CFDP1: variants seen among roughly 807,000 people sequenced by gnomAD.
CFDP1 encodes the protein chromatin remodeling protein CFDP1.
Under a neutral mutation model 40.1 loss-of-function variants are expected in CFDP1, and 31 were observed. That is an observed-to-expected ratio of 0.77 (90% CI 0.58 to 1.04). CFDP1 has a LOEUF of 1.04. Ranked by LOEUF, CFDP1 falls within the 50% of genes least tolerant of loss-of-function variation. The pLI is 0.00. For synonymous variants in CFDP1, 167 were observed against 120.0 expected, an observed-to-expected ratio of 1.39 and a Z score of -2.56; for missense variants, 423 against 343.4, an observed-to-expected ratio of 1.23 and a Z score of -1.83.
intron 4 of CFDP1, among the ~76,000 whole-genome samples, chr16:75,411,338 G>C (rs1209640117): frequency 6.6e-6 from 1 of 152,162 alleles, no homozygotes; most frequent in Non-Finnish European, 1.5e-5. Context: ...TGGGACCCGG[G>C]AGGCAGAGGT....
chr16:75,431,628 G>C (rs914747793), intron 1 of CFDP1, among the ~76,000 whole-genome samples: 5 of 152,040 alleles, frequency 3.3e-5, no homozygotes, highest in African/African-American at 1.2e-4. Context: ...CACAGAGCGA[G>C]ACACTGTCTC....
intron 5 of CFDP1, among the ~76,000 whole-genome samples, chr16:75,333,836 C>T (rs994208307): frequency 2.0e-5 from 3 of 152,192 alleles, no homozygotes; most frequent in African/African-American, 7.2e-5. Flanking sequence ...TAAAGCCTTT[C>T]ATACCACATT....
intron 5 of CFDP1, among the ~76,000 whole-genome samples, chr16:75,328,144 A>ATT (rs1262815642): frequency 1.3e-4 from 17 of 127,644 alleles, no homozygotes; most frequent in African/African-American, 3.2e-4. Flanking sequence ...TTGGTACTTG[A>ATT]TTTTTTTTTT....
chr16:75,393,215 T>C (rs532094507), intron 5 of CFDP1, among the ~76,000 whole-genome samples: 2 of 152,276 alleles, frequency 1.3e-5, no homozygotes, highest in South Asian at 4.1e-4. Flanking sequence ...CCAGCAGGAA[T>C]GAGTGCCAGT....
intron 1 of CFDP1, among the ~76,000 whole-genome samples, chr16:75,427,598 C>T (rs968355620): frequency 5.9e-5 from 9 of 152,114 alleles, no homozygotes; most frequent in Admixed American, 5.2e-4. Context: ...AAAAATCTGA[C>T]CACCCCAAGT....
intron 5 of CFDP1, among the ~76,000 whole-genome samples, chr16:75,387,030 A>C (rs558472389): frequency 1.4e-4 from 21 of 152,370 alleles, no homozygotes; most frequent in African/African-American, 4.8e-4. Context: ...ATACCTATAA[A>C]GGCTTATTTT....
At chr16:75,387,091 C>T (rs1177526617) in intron 5 of CFDP1, among the ~76,000 whole-genome samples, 1 of 151,558 alleles carries the variant, frequency 6.6e-6, no homozygotes, top group Non-Finnish European at 1.5e-5. Flanking sequence ...TATTAGCATC[C>T]ACTGAAGAAC....
At chr16:75,344,607 C>A (rs1012517169) in intron 5 of CFDP1, among the ~76,000 whole-genome samples, 6 of 152,078 alleles carry the variant, frequency 3.9e-5, no homozygotes, top group South Asian at 2.1e-4. Flanking sequence ...GACTAATAAC[C>A]CTTACAAAGA....
At chr16:75,413,012 T>A (rs2079176274) in intron 2 of CFDP1, among the ~76,000 whole-genome samples, 1 of 151,854 alleles carries the variant, frequency 6.6e-6, no homozygotes, top group Admixed American at 6.6e-5. Flanking sequence ...GTTCTCCTTC[T>A]AAATCAGGAC....
intron 5 of CFDP1, among the ~76,000 whole-genome samples, chr16:75,388,829 T>TAC (rs1444667609): frequency 1.3e-5 from 2 of 152,178 alleles, no homozygotes; most frequent in Non-Finnish European, 2.9e-5. Flanking sequence ...TTCAGGATGG[T>TAC]ACTGTGAGGG....
chr16:75,406,733 T>C, intron 4 of CFDP1: 1 of 143,420 alleles, frequency 7.0e-6, no homozygotes, highest in African/African-American at 2.6e-5. Context: ...TAAATAAAAA[T>C]AAACAAATAG....
intron 5 of CFDP1, among the ~76,000 whole-genome samples, chr16:75,340,351 A>C (rs1470525554): frequency 1.3e-5 from 2 of 152,216 alleles, no homozygotes; most frequent in Non-Finnish European, 1.5e-5. Flanking sequence ...TTTAAAGGAG[A>C]CTGTTATTTC....
chr16:75,310,379 A>T (rs2078287602), intron 5 of CFDP1, among the ~76,000 whole-genome samples: 1 of 152,186 alleles, frequency 6.6e-6, no homozygotes, highest in African/African-American at 2.4e-5. Context: ...ACCTATCATA[A>T]CACCAGACAC....
chr16:75,347,343 C>CAAAAAA (rs762900031), intron 5 of CFDP1, among the ~76,000 whole-genome samples: 212 of 91,268 alleles, frequency 2.3e-3, no homozygotes, highest in East Asian at 3.3e-3. Context: ...GACTCCATCT[C>CAAAAAA]AAAAAAAAAA....
chr16:75,428,521 G>A (rs2079368366), intron 1 of CFDP1, among the ~76,000 whole-genome samples: 1 of 152,196 alleles, frequency 6.6e-6, no homozygotes, highest in African/African-American at 2.4e-5. Flanking sequence ...AGAGGCTGAG[G>A]CAGGGGAATC....
intron 5 of CFDP1, among the ~76,000 whole-genome samples, chr16:75,312,991 C>G (rs1423714302): frequency 6.6e-6 from 1 of 152,190 alleles, no homozygotes; most frequent in Non-Finnish European, 1.5e-5. Context: ...AGCTAACTGA[C>G]CTGCTGGGCA....
chr16:75,340,348 G>A (rs974911356), intron 5 of CFDP1, among the ~76,000 whole-genome samples: 5 of 152,122 alleles, frequency 3.3e-5, no homozygotes, highest in African/African-American at 1.2e-4. Context: ...CAATTTAAAG[G>A]AGACTGTTAT....
rs141568094 is a variant in CFDP1 at position 75,364,488 on chromosome 16, C to G, written c.650+30602G>C. 6.7e-3 allele frequency among the ~76,000 whole-genome samples: 1,014 copies of G among 152,238 alleles called. 7 individuals carry two copies. The highest frequency in any genetic ancestry group is 0.024 in the African/African-American group (981 of 41,536). ...CATGACAACACGAAGACATTATTTG[C>G]CTTCTTCTCTTGTATTCTGTCACAA... On this transcript the variant is annotated intron_variant, in intron 5 of 6. Transcript: ENST00000283882.
At position 75,349,650 on chromosome 16, in the gene CFDP1, C is replaced by CAAAAAAA. The variant is rs61472076; in HGVS notation, c.651-44475_651-44469dup. The stretch of plus-strand genomic sequence containing the variant: ...TGGGCGACAGAGCGAGACTCCGTCT[C>CAAAAAAA]AAAAAAAAAAAAAAAAAAAAAAAAA... On this transcript the variant is annotated intron_variant, in intron 5 of 6. Transcript: ENST00000283882. Among the ~76,000 whole-genome samples, 2 of 23,242 alleles carry CAAAAAAA rather than the reference C, an allele frequency of 8.6e-5. 1 individual carries two copies. The highest frequency in any genetic ancestry group is 1.7e-4 in the Non-Finnish European group (2 of 11,862). 15.2% of individuals were successfully genotyped at this position (23,242 alleles called of 152,430 possible). A position where few individuals can be genotyped will look rare whatever the true frequency, so the allele number is the denominator to read the frequency against.
Sources: allele counts gnomAD v4.1 joint callset (sites outside exome capture counted in the v4.1 genomes callset), GRCh38; gene constraint gnomAD v4.1.1; transcripts MANE v1.5; gene names NCBI Gene and HGNC (gene_info 2026-07-23, HGNC 2026-07-21).